Variants in SNTG1 observed in about 807,000 individuals in gnomAD.
The protein encoded by SNTG1 is syntrophin gamma 1.
In SNTG1, 39 loss-of-function variants were observed where a neutral mutation model predicts 74.7. The ratio of observed to expected loss-of-function variants is 0.52; its 90% CI spans 0.40 to 0.68. The LOEUF (loss-of-function observed/expected upper bound fraction) is 0.68. Ranked by LOEUF, SNTG1 falls within the 30% of genes least tolerant of loss-of-function variation. SNTG1 has a pLI of 0.00. For missense variants in SNTG1, 685 were observed against 609.5 expected (o/e 1.12, Z -1.30); for synonymous variants, 254 against 217.1 (o/e 1.17, Z -1.49).
chr8:50,696,074 A>T (rs1465069724), intron 15 of SNTG1, among the ~76,000 whole-genome samples: 1 of 152,024 alleles, frequency 6.6e-6, no homozygotes, highest in African/African-American at 2.4e-5. Context: ...ACCAATTTAC[A>T]TTTCCACCAA....
At chr8:49,926,743 A>C in intron 1 of SNTG1, among the ~76,000 whole-genome samples, 1 of 152,170 alleles carries the variant, frequency 6.6e-6, no homozygotes, top group East Asian at 1.9e-4. Context: ...TGATAAGCTA[A>C]ATTCATTAAA....
chr8:50,594,316 A>T (rs1342345201), intron 13 of SNTG1, among the ~76,000 whole-genome samples: 1 of 152,080 alleles, frequency 6.6e-6, no homozygotes, highest in Non-Finnish European at 1.5e-5. Context: ...AATATATCTC[A>T]TTCCTCCCAC....
rs58751270 is a variant in SNTG1, at chr8:50,246,504, CT to C, written c.-28+73884del. On this transcript the variant is annotated intron_variant, in intron 2 of 18. Transcript: ENST00000642720. The stretch of plus-strand genomic sequence containing the variant: ...TAAGTGAAGAAACATTAGTGTCTTT[CT>C]TTTTTTTTTTTTTTGCTTAATTAGA... Among the ~76,000 whole-genome samples the C allele has an allele frequency of 6.9e-3, 973 of 141,728 alleles. 8 individuals are homozygous for C. Among genetic ancestry groups the C allele is most frequent in the East Asian group, 0.024 (116 of 4,848 alleles). The allele number at this position is 141,728 out of a possible 152,430, so 93.0% of individuals were successfully genotyped here.
At chr8:50,151,796 C>G (rs1335664833) in intron 1 of SNTG1, among the ~76,000 whole-genome samples, 3 of 152,118 alleles carry the variant, frequency 2.0e-5, no homozygotes, top group Non-Finnish European at 4.4e-5. Flanking sequence ...AATTTCTGTT[C>G]TTTTACATTT....
chr8:50,690,233 G>A (rs77336397), intron 15 of SNTG1, among the ~76,000 whole-genome samples: 2 of 151,728 alleles, frequency 1.3e-5, no homozygotes, highest in East Asian at 3.9e-4. Flanking sequence ...AGGTTTTTTT[G>A]TGTCTCTATT....
intron 13 of SNTG1, among the ~76,000 whole-genome samples, chr8:50,592,472 T>C (rs1370438798): frequency 6.6e-6 from 1 of 152,208 alleles, no homozygotes. Context: ...CAACTACAGC[T>C]AACACTTCTC....
rs550909258 is a variant in SNTG1 at position 50,254,815 on chromosome 8, T to G, written c.-28+82180T>G. On this transcript the variant is annotated intron_variant, in intron 2 of 18. Coordinates refer to ENST00000642720, the MANE Select transcript of SNTG1 (RefSeq NM_018967.5). Reference sequence around the variant, plus strand: ...GATCTGAGATTGAGCCACGAGCCACTGCACTCCAGCCTGGGCGACAGAGCG... The same window carrying G: ...GATCTGAGATTGAGCCACGAGCCACGGCACTCCAGCCTGGGCGACAGAGCG... Among the ~76,000 whole-genome samples the G allele has an allele frequency of 1.5e-4, 22 of 148,966 alleles. No individual in the cohort carries two copies. The South Asian group carries it at 4.0e-3, about 27-fold the overall frequency.
chr8:50,526,909 A>G (rs2094224914), intron 9 of SNTG1, among the ~76,000 whole-genome samples: 1 of 152,064 alleles, frequency 6.6e-6, no homozygotes, highest in Non-Finnish European at 1.5e-5. Context: ...GGCATGAGGC[A>G]CCGCGCCCGG....
intron 1 of SNTG1, among the ~76,000 whole-genome samples, chr8:50,000,389 G>A (rs1464167563): frequency 1.3e-5 from 2 of 152,100 alleles, no homozygotes; most frequent in African/African-American, 2.4e-5. Flanking sequence ...AGAAGTGCCT[G>A]TGTGTATTTT....
intron 2 of SNTG1, among the ~76,000 whole-genome samples, chr8:50,192,736 TAGA>T (rs2083621300): frequency 6.6e-6 from 1 of 152,026 alleles, no homozygotes. Context: ...AGCCAATGTC[TAGA>T]AGGGTTTTTC....
chr8:50,483,362 A>T (rs2093756708), intron 8 of SNTG1, among the ~76,000 whole-genome samples: 1 of 151,686 alleles, frequency 6.6e-6, no homozygotes. Flanking sequence ...CTCCCTACCC[A>T]TTTTTTAATA....
intron 9 of SNTG1, among the ~76,000 whole-genome samples, chr8:50,527,127 C>T (rs1462261352): frequency 2.0e-5 from 3 of 152,066 alleles, no homozygotes; most frequent in Admixed American, 2.0e-4. Context: ...TGATTATTGG[C>T]CATGTGCATA....
At chr8:50,236,667 G>A (rs937521303) in intron 2 of SNTG1, among the ~76,000 whole-genome samples, 5 of 151,860 alleles carry the variant, frequency 3.3e-5, no homozygotes, top group Non-Finnish European at 7.4e-5. Flanking sequence ...AGCCAGGATG[G>A]TCTCGATCTC....
intron 12 of SNTG1, among the ~76,000 whole-genome samples, chr8:50,574,407 C>T (rs1031680590): frequency 1.3e-5 from 2 of 151,942 alleles, no homozygotes; most frequent in African/African-American, 2.4e-5. Flanking sequence ...ATTTTTTAAA[C>T]GTGTGCCTTA....
At chr8:50,505,964 T>C (rs1453352016) in intron 9 of SNTG1, among the ~76,000 whole-genome samples, 1 of 152,116 alleles carries the variant, frequency 6.6e-6, no homozygotes, top group Non-Finnish European at 1.5e-5. Flanking sequence ...ATTTTTCTGC[T>C]AGGATTTTTT....
intron 8 of SNTG1, among the ~76,000 whole-genome samples, chr8:50,496,518 G>A (rs144251582): frequency 5.9e-5 from 9 of 152,088 alleles, no homozygotes; most frequent in East Asian, 3.9e-4. Flanking sequence ...TCTCATAGAC[G>A]TTAGAATGGC....
In SNTG1 at chr8:50,639,269, A is replaced by G. The variant is rs1371065217; in HGVS notation, c.850-17640A>G. On this transcript the variant is annotated intron_variant, in intron 13 of 18. Coordinates refer to ENST00000642720, the MANE Select transcript of SNTG1 (RefSeq NM_018967.5). ...ATTTCAGTGGCTTCTTTATTTTTAC[A>G]GTGGTTCTTTACTCATTGGCTTTTA... 1.4e-4 allele frequency among the ~76,000 whole-genome samples: 21 copies of G among 150,882 alleles called. 1 individual carries two copies. Among genetic ancestry groups the G allele is most frequent in the Admixed American group, 1.4e-3 (21 of 15,112 alleles).
In SNTG1 at chr8:50,792,750, C is replaced by G. The variant is rs768705593; in HGVS notation, c.1475C>G (p.Pro492Arg). The G allele has an allele frequency of 6.2e-7, 1 of 1,612,532 alleles. No individual in the cohort carries two copies. Reference protein sequence around the residue: ...FFAAKVACLDPLFLGNQATAS... With the variant: ...FFAAKVACLDRLFLGNQATAS... ...GCTGCCAAGGTAGCTTGTTTGGACC[C>G]TCTATTTTTAGGCAATCAAGCTACT... The change falls in exon 19 of 19, where the codon CCT (proline) becomes CGT (arginine). Residue 492 changes from proline to arginine, a missense_variant. Physicochemically the swap from Pro to Arg is moderately radical, Grantham distance 103. Transcript: ENST00000642720.
chr8:50,283,404 G>A (rs1319103698), intron 2 of SNTG1, among the ~76,000 whole-genome samples: 1 of 152,142 alleles, frequency 6.6e-6, no homozygotes, highest in African/African-American at 2.4e-5. Context: ...AAGAATCAGA[G>A]AAAAATGATT....
Sources: gnomAD v4.1 joint callset for allele counts (sites outside exome capture counted in the v4.1 genomes callset) on GRCh38, gnomAD v4.1.1 for gene constraint, MANE v1.5 for transcripts, NCBI Gene and HGNC (gene_info 2026-07-23, HGNC 2026-07-21) for gene names.